MCOLN2: variants seen among roughly 807,000 people sequenced by gnomAD.
MCOLN2 encodes the protein mucolipin-2.
MCOLN2 carries 57 observed loss-of-function variants against 67.5 expected under a neutral mutation model. That is an observed-to-expected ratio of 0.84 (90% CI 0.68 to 1.05). The LOEUF (loss-of-function observed/expected upper bound fraction) is 1.05. Among genes scored for constraint, MCOLN2 ranks in the 50% least tolerant of loss-of-function variants. The pLI, the probability that MCOLN2 is intolerant of heterozygous loss-of-function variation, is 0.00. For synonymous variants in MCOLN2, 246 were observed against 233.3 expected, an observed-to-expected ratio of 1.05 and a Z score of -0.50; for missense variants, 620 against 678.8, an observed-to-expected ratio of 0.91 and a Z score of 0.96.
chr1:84,931,589 T>C, intron 11 of MCOLN2, 21 bp from the exon 12 acceptor site: 3 of 1,591,448 alleles, frequency 1.9e-6, no homozygotes, highest in African/African-American at 2.7e-5. Context: ...AAATAAAAAC[T>C]AGTTTCTGAA....
chr1:84,974,105 T>C (rs1313961913), intron 1 of MCOLN2, among the ~76,000 whole-genome samples: 2 of 152,172 alleles, frequency 1.3e-5, no homozygotes, highest in Non-Finnish European at 2.9e-5. Context: ...AAACCAGCCC[T>C]AGCCAGAGGG....
At chr1:84,935,838 AACCTC>A (rs1647394754) in intron 11 of MCOLN2, among the ~76,000 whole-genome samples, 1 of 152,218 alleles carries the variant, frequency 6.6e-6, no homozygotes, top group Admixed American at 6.5e-5. Context: ...CAAAACAAAT[AACCTC>A]ATTTTCCATG....
intron 2 of MCOLN2, among the ~76,000 whole-genome samples, chr1:84,965,125 T>C (rs1649307614): frequency 6.6e-6 from 1 of 152,194 alleles, no homozygotes; most frequent in Admixed American, 6.5e-5. Flanking sequence ...ATAATCCTGA[T>C]AGCGCCTGGG....
intron 1 of MCOLN2, among the ~76,000 whole-genome samples, chr1:84,980,011 T>C (rs995304326): frequency 2.6e-5 from 4 of 152,184 alleles, no homozygotes; most frequent in African/African-American, 9.7e-5. Context: ...CAAAAATCAG[T>C]AGCATTTCTA....
intron 1 of MCOLN2, among the ~76,000 whole-genome samples, chr1:84,992,879 T>TC (rs56001083): frequency 0.42 from 63,874 of 152,010 alleles, 14,158 homozygotes; most frequent in East Asian, 0.63. Context: ...TGCTGACTGA[T>TC]CAGGGTGGTG....
At chr1:84,993,543 C>T (rs941261393) in intron 1 of MCOLN2, among the ~76,000 whole-genome samples, 1 of 151,060 alleles carries the variant, frequency 6.6e-6, no homozygotes, top group Admixed American at 6.6e-5. Context: ...GAAGGGTTTA[C>T]TTTGTCCAGA....
intron 1 of MCOLN2, among the ~76,000 whole-genome samples, chr1:84,969,530 C>T (rs1162312826): frequency 6.7e-6 from 1 of 149,048 alleles, no homozygotes; most frequent in Non-Finnish European, 1.5e-5. Context: ...AATATGGCAC[C>T]ACTGCACTCC....
chr1:84,966,927 T>C (rs1183768888), intron 1 of MCOLN2, among the ~76,000 whole-genome samples: 1 of 152,194 alleles, frequency 6.6e-6, no homozygotes, highest in African/African-American at 2.4e-5. Context: ...CAACATAGAA[T>C]ATACATACAA....
intron 1 of MCOLN2, among the ~76,000 whole-genome samples, chr1:84,990,573 T>C (rs1420237651): frequency 6.6e-6 from 1 of 152,090 alleles, no homozygotes; most frequent in Admixed American, 6.5e-5. Flanking sequence ...TAACATATTG[T>C]AATTTTTTTA....
rs1351814837 is a variant in MCOLN2, at chr1:84,937,794, T to C, written c.1296A>G (p.Thr432=). The change falls in exon 11 of 14, where the codon ACA becomes ACG. Residue 432 remains threonine, a synonymous_variant. Coordinates refer to ENST00000370608, the MANE Select transcript of MCOLN2 (RefSeq NM_153259.4). The stretch of plus-strand genomic sequence containing the variant: ...GTCCTAAGACAATCCAGCCACAGAA[T>C]GTGTAACCCAGATAAATCATACCAG... ...ACAGMIYLGY[T]FCGWIVLGPY... is the part of the protein sequence containing the mutation. The C allele has an allele frequency of 6.2e-7, 1 of 1,614,058 alleles. No homozygotes were observed. The highest frequency in any genetic ancestry group is 1.3e-5 in the African/African-American group (1 of 74,898).
At chr1:84,976,301 C>A (rs1377717908) in intron 1 of MCOLN2, among the ~76,000 whole-genome samples, 1 of 146,922 alleles carries the variant, frequency 6.8e-6, no homozygotes, top group African/African-American at 2.5e-5. Context: ...GATAAAAAAA[C>A]AAATAACATA....
chr1:84,954,412 T>A (rs778516957), intron 4 of MCOLN2, among the ~76,000 whole-genome samples: 1 of 152,198 alleles, frequency 6.6e-6, no homozygotes, highest in Non-Finnish European at 1.5e-5. Context: ...ATGATAGAAA[T>A]AGCAAAAACA....
intron 2 of MCOLN2, among the ~76,000 whole-genome samples, chr1:84,964,607 A>T (rs938107332): frequency 6.6e-6 from 1 of 152,108 alleles, no homozygotes; most frequent in Non-Finnish European, 1.5e-5. Flanking sequence ...TTACCACATT[A>T]TAATATATAA....
At chr1:84,952,040 T>C (rs1367816389) in intron 6 of MCOLN2, among the ~76,000 whole-genome samples, 1 of 151,956 alleles carries the variant, frequency 6.6e-6, no homozygotes, top group Non-Finnish European at 1.5e-5. Flanking sequence ...TGAGCTGAGA[T>C]CACGCCACTG....
At chr1:84,981,035 A>C (rs934323731) in intron 1 of MCOLN2, among the ~76,000 whole-genome samples, 1 of 152,224 alleles carries the variant, frequency 6.6e-6, no homozygotes, top group African/African-American at 2.4e-5. Flanking sequence ...TACAAATCAC[A>C]AACAGGGATA....
At chr1:84,980,311 A>AG (rs397770257) in intron 1 of MCOLN2, among the ~76,000 whole-genome samples, 31 of 151,724 alleles carry the variant, frequency 2.0e-4, no homozygotes, top group Non-Finnish European at 2.4e-4. Context: ...AATAGAAAAA[A>AG]ACCCTAAAAT....
At chr1:84,958,775 C>A (rs1024132230) in intron 2 of MCOLN2, 73 bp from the exon 3 acceptor site, 2 of 1,135,646 alleles carry the variant, frequency 1.8e-6, no homozygotes, top group African/African-American at 3.1e-5. Flanking sequence ...TTCTCACTAT[C>A]ATCAACCATT....
chr1:84,941,500 AC>A (rs1383604472), intron 7 of MCOLN2, among the ~76,000 whole-genome samples: 1 of 151,792 alleles, frequency 6.6e-6, no homozygotes, highest in Non-Finnish European at 1.5e-5. Flanking sequence ...CTGTCTCAAA[AC>A]AAAAAACAAA....
intron 13 of MCOLN2, among the ~76,000 whole-genome samples, chr1:84,928,768 G>T (rs376647417): frequency 1.4e-4 from 22 of 152,090 alleles, no homozygotes; most frequent in East Asian, 5.8e-4. Context: ...TCATATCATT[G>T]TAAGTCCCAA....
Sources: allele counts gnomAD v4.1 joint callset (sites outside exome capture counted in the v4.1 genomes callset), GRCh38; gene constraint gnomAD v4.1.1; transcripts MANE v1.5; gene names NCBI Gene and HGNC (gene_info 2026-07-23, HGNC 2026-07-21).